C3orf49: variants seen among roughly 807,000 people sequenced by gnomAD.
C3orf49 encodes the protein chromosome 3 open reading frame 49, also known as putative uncharacterized protein C3orf49.
A neutral mutation model predicts 13.3 loss-of-function variants in C3orf49; 27 were observed. That is an observed-to-expected ratio of 2.02 (90% CI 1.49 to 2.79). The LOEUF (loss-of-function observed/expected upper bound fraction) is 2.79, where lower values mean the gene tolerates loss of function less well. Ranked by LOEUF, C3orf49 falls within the 30% of genes most tolerant of loss-of-function variation. The pLI is 0.00. For missense variants in C3orf49, 242 were observed against 134.2 expected (o/e 1.80, Z -3.97); for synonymous variants, 87 against 47.6 (o/e 1.83, Z -3.40).
intron 5 of C3orf49, among the ~76,000 whole-genome samples, chr3:63,842,577 T>G (rs1436002212): frequency 6.6e-6 from 1 of 152,204 alleles, no homozygotes; most frequent in Non-Finnish European, 1.5e-5. Context: ...AGGCCATTAT[T>G]CTAAGTGAAG....
intron 1 of C3orf49, among the ~76,000 whole-genome samples, chr3:63,821,382 T>C (rs921323161): frequency 1.2e-4 from 19 of 152,196 alleles, no homozygotes; most frequent in Admixed American, 6.5e-4. Context: ...TATAAATTTG[T>C]TTTAATCCAT....
At chr3:63,839,160 A>G (rs1017244325) in intron 5 of C3orf49, among the ~76,000 whole-genome samples, 2 of 152,196 alleles carry the variant, frequency 1.3e-5, no homozygotes, top group Non-Finnish European at 1.5e-5. Context: ...ATTGCACTCC[A>G]GCCTGAACAA....
At chr3:63,784,694 T>C in the C3orf49 span, 1 of 151,998 alleles carries the variant, frequency 6.6e-6, no homozygotes, top group Non-Finnish European at 1.5e-5. Flanking sequence ...CCATCTCTAC[T>C]AAAAATACAA....
At chr3:63,789,790 G>A in the C3orf49 span, among the ~76,000 whole-genome samples, 3 of 122,220 alleles carry the variant, frequency 2.5e-5, no homozygotes, top group Non-Finnish European at 3.2e-5. Flanking sequence ...TAGCCTGGGC[G>A]ACAGAGCAAG....
Position 63,823,132 on chromosome 3 carries a change from AT to A in C3orf49, c.126-108del, listed in dbSNP as rs928824601. 1.6e-3 allele frequency: 811 copies of A among 518,352 alleles called. 6 individuals carry two copies. The highest frequency in any genetic ancestry group is 1.2e-3 in the East Asian group (36 of 30,822). 32.1% of individuals were successfully genotyped at this position (518,352 alleles called of 1,614,324 possible). On this transcript the variant is annotated intron_variant, in intron 1 of 6. Transcript: ENST00000295896. ...GATTTGATTCTTGGTCTTCAATTTC[AT>A]TTTTTTTTTCTGAATTGTATAATTG...
At chr3:63,837,839 T>G in intron 5 of C3orf49, 1 of 625,076 alleles carries the variant, frequency 1.6e-6, no homozygotes. Context: ...ATAATATAGT[T>G]TTAAGGAATT....
intron 2 of C3orf49, among the ~76,000 whole-genome samples, chr3:63,826,546 C>T (rs1324477943): frequency 1.3e-5 from 2 of 152,134 alleles, no homozygotes; most frequent in Non-Finnish European, 2.9e-5. Flanking sequence ...AAAAATAAGT[C>T]ATGAGTTCTG....
chr3:63,806,329 C>T, the C3orf49 span, among the ~76,000 whole-genome samples: 48 of 152,342 alleles, frequency 3.2e-4, 2 homozygotes, highest in East Asian at 5.6e-3. Context: ...CCTTACCCCA[C>T]TCTGGGTGTT....
the C3orf49 span, among the ~76,000 whole-genome samples, chr3:63,790,500 A>C: frequency 6.6e-6 from 1 of 152,188 alleles, no homozygotes; most frequent in South Asian, 2.1e-4. Flanking sequence ...CAGTGAAATC[A>C]GAATCTTGGG....
chr3:63,838,541 A>G (rs1236050437), intron 5 of C3orf49: 2 of 1,565,028 alleles, frequency 1.3e-6, no homozygotes, highest in Admixed American at 4.3e-5. Context: ...ATATTTGTGG[A>G]CTGACAAAAG....
chr3:63,841,871 G>A (rs923405862), intron 5 of C3orf49, among the ~76,000 whole-genome samples: 2 of 152,066 alleles, frequency 1.3e-5, no homozygotes, highest in Non-Finnish European at 2.9e-5. Flanking sequence ...TGGCACTGAT[G>A]GTATTCAACA....
chr3:63,805,315 A>C, the C3orf49 span, among the ~76,000 whole-genome samples: 1 of 152,226 alleles, frequency 6.6e-6, no homozygotes, highest in Non-Finnish European at 1.5e-5. Flanking sequence ...TAAAACCACA[A>C]AGGAAAAGTG....
chr3:63,807,984 G>C, the C3orf49 span, among the ~76,000 whole-genome samples: 1 of 151,512 alleles, frequency 6.6e-6, no homozygotes, highest in Non-Finnish European at 1.5e-5. Context: ...ATTTGAGAAA[G>C]TTCTCACGCA....
the C3orf49 span, among the ~76,000 whole-genome samples, chr3:63,793,026 T>C: frequency 6.6e-6 from 1 of 152,212 alleles, no homozygotes; most frequent in Admixed American, 6.5e-5. Context: ...TGGATTCCTG[T>C]GTAGTGATGC....
At chr3:63,808,482 C>T in the C3orf49 span, among the ~76,000 whole-genome samples, 191 of 152,212 alleles carry the variant, frequency 1.3e-3, no homozygotes, top group African/African-American at 4.3e-3. Flanking sequence ...TCTCTGTTTT[C>T]TTCTTTCTCT....
the C3orf49 span, among the ~76,000 whole-genome samples, chr3:63,791,571 C>T: frequency 6.6e-6 from 1 of 152,276 alleles, no homozygotes; most frequent in African/African-American, 2.4e-5. Flanking sequence ...TTAAAAAATA[C>T]TGATGCCTGG....
the C3orf49 span, among the ~76,000 whole-genome samples, chr3:63,793,298 C>T: frequency 0.024 from 3,671 of 152,232 alleles, 83 homozygotes; most frequent in African/African-American, 0.061. Context: ...ATATCTCAGT[C>T]ATCCCAGGAA....
chr3:63,780,273 G>C, the C3orf49 span, among the ~76,000 whole-genome samples: 1 of 152,098 alleles, frequency 6.6e-6, no homozygotes, highest in African/African-American at 2.4e-5. Context: ...AGTTTGCTGA[G>C]AATGATGGTT....
chr3:63,838,477 G>T, intron 5 of C3orf49: 1 of 1,608,738 alleles, frequency 6.2e-7, no homozygotes. Flanking sequence ...AGCGTGCTCA[G>T]CATACGTTGG....
Sources: allele counts gnomAD v4.1 joint callset (sites outside exome capture counted in the v4.1 genomes callset), GRCh38; gene constraint gnomAD v4.1.1; transcripts MANE v1.5; gene names NCBI Gene and HGNC (gene_info 2026-07-23, HGNC 2026-07-21).